The following NFIA variants were observed in gnomAD, a reference collection of about 807,000 sequenced individuals.
NFIA encodes the protein nuclear factor I A.
In NFIA, 8 loss-of-function variants were observed where a neutral mutation model predicts 62.8. The observed-to-expected ratio is 0.13, with a 90% confidence interval of 0.07 to 0.23. The LOEUF (loss-of-function observed/expected upper bound fraction) is 0.23, where lower values mean the gene tolerates loss of function less well. Among genes scored for constraint, NFIA ranks in the 10% least tolerant of loss-of-function variants. NFIA has a pLI of 1.00. For synonymous variants in NFIA, 235 were observed against 238.1 expected, an observed-to-expected ratio of 0.99 and a Z score of 0.12; for missense variants, 410 against 642.1, an observed-to-expected ratio of 0.64 and a Z score of 3.91.
chr1:61,305,804 A>G (rs951538305), intron 3 of NFIA, among the ~76,000 whole-genome samples: 7 of 151,872 alleles, frequency 4.6e-5, no homozygotes, highest in Non-Finnish European at 7.4e-5. Context: ...CTAGCTCCAA[A>G]GGATTGCTTT....
chr1:61,386,193 G>T (rs948844178), intron 7 of NFIA, among the ~76,000 whole-genome samples: 2 of 152,176 alleles, frequency 1.3e-5, no homozygotes, highest in African/African-American at 4.8e-5. Context: ...GGAGTAAGAC[G>T]TGGTGTTTTA....
At chr1:61,180,718 C>T (rs566782775) in intron 2 of NFIA, among the ~76,000 whole-genome samples, 1 of 152,264 alleles carries the variant, frequency 6.6e-6, no homozygotes, top group African/African-American at 2.4e-5. Context: ...AACAAAGATT[C>T]AGCTTCTATC....
At chr1:61,207,184 A>G (rs1000002567) in intron 2 of NFIA, among the ~76,000 whole-genome samples, 1 of 152,188 alleles carries the variant, frequency 6.6e-6, no homozygotes, top group African/African-American at 2.4e-5. Flanking sequence ...AAAATTTTGT[A>G]CAATGTACAG....
chr1:61,417,061 C>T (rs1666381099), intron 9 of NFIA, among the ~76,000 whole-genome samples: 2 of 152,076 alleles, frequency 1.3e-5, no homozygotes, highest in South Asian at 2.1e-4. Flanking sequence ...TGGATGATTC[C>T]ATTCATTTGG....
At chr1:61,318,412 C>T (rs1660487577) in intron 3 of NFIA, among the ~76,000 whole-genome samples, 1 of 152,164 alleles carries the variant, frequency 6.6e-6, no homozygotes, top group African/African-American at 2.4e-5. Flanking sequence ...GAAATTAGGT[C>T]AGCCTTCTGG....
chr1:61,325,101 TAATG>T (rs1351741509), intron 3 of NFIA, among the ~76,000 whole-genome samples: 1 of 152,228 alleles, frequency 6.6e-6, no homozygotes, highest in Non-Finnish European at 1.5e-5. Flanking sequence ...GAGACATACT[TAATG>T]AAAGCACATG....
In NFIA at chr1:61,328,031, C is replaced by T. The variant is rs569163761; in HGVS notation, c.626-4481C>T. 1.1e-4 allele frequency among the ~76,000 whole-genome samples: 16 copies of T among 151,734 alleles called. 1 individual carries two copies. ...TGATTAGTGATGTTGGGCATTTTTT[C>T]ATGTTTGTTGGCCATTTGTCTATCT... On this transcript the variant is annotated intron_variant, in intron 3 of 10. Transcript: ENST00000403491.
intron 2 of NFIA, among the ~76,000 whole-genome samples, chr1:61,226,059 CAG>C (rs1466699838): frequency 2.0e-5 from 3 of 152,080 alleles, no homozygotes; most frequent in African/African-American, 7.2e-5. Flanking sequence ...TAAAATGAAA[CAG>C]TGGACATACA....
chr1:61,435,831 C>A (rs1569872175), intron 10 of NFIA, among the ~76,000 whole-genome samples: 1 of 152,160 alleles, frequency 6.6e-6, no homozygotes, highest in Non-Finnish European at 1.5e-5. Flanking sequence ...CTGCCATATT[C>A]TTTTTTCCTA....
intron 2 of NFIA, among the ~76,000 whole-genome samples, chr1:61,128,132 G>A (rs334737): frequency 0.94 from 142,874 of 151,916 alleles, 67,288 homozygotes; most frequent in Middle Eastern, 0.97. Flanking sequence ...ATTCAATAAT[G>A]TAGACGTGGA....
upstream of NFIA, chr1:61,082,226 C>A (rs1002883693): frequency 8.8e-6 from 4 of 456,894 alleles, no homozygotes; most frequent in Non-Finnish European, 1.5e-5. Context: ...GGGGAGCGAG[C>A]GGGAGAGCGA....
chr1:61,119,261 G>A (rs1404187118), intron 2 of NFIA, among the ~76,000 whole-genome samples: 2 of 152,086 alleles, frequency 1.3e-5, no homozygotes, highest in Non-Finnish European at 2.9e-5. Context: ...CACCCCACTA[G>A]TAAACTCTCT....
At chr1:61,330,260 G>A (rs1055075678) in intron 3 of NFIA, among the ~76,000 whole-genome samples, 4 of 152,104 alleles carry the variant, frequency 2.6e-5, no homozygotes, top group Non-Finnish European at 4.4e-5. Context: ...AGAGTCATTG[G>A]CCTGTAGATT....
intron 7 of NFIA, among the ~76,000 whole-genome samples, chr1:61,393,709 GCT>G (rs1438070129): frequency 6.6e-6 from 1 of 152,114 alleles, no homozygotes; most frequent in Non-Finnish European, 1.5e-5. Flanking sequence ...AAACATTAGA[GCT>G]CTGTTTCCAG....
At chr1:61,242,794 G>T (rs1655420868) in intron 2 of NFIA, among the ~76,000 whole-genome samples, 1 of 152,106 alleles carries the variant, frequency 6.6e-6, no homozygotes, top group Non-Finnish European at 1.5e-5. Context: ...GTTAAAAAAG[G>T]CTGGTTGTCA....
At position 61,394,749 on chromosome 1, in the gene NFIA, A is replaced by G. The variant is rs115854184; in HGVS notation, c.1076-9355A>G. Among the ~76,000 whole-genome samples, 1,333 of 152,320 alleles carry G rather than the reference A, an allele frequency of 8.8e-3. 16 individuals are homozygous for G. Among genetic ancestry groups the G allele is most frequent in the African/African-American group, 0.031 (1,286 of 41,564 alleles). ...TCCTTGTGTGAAATTTACCCACAGT[A>G]GGATTACTCCTCAAATCCTATGGGG... On this transcript the variant is annotated intron_variant, in intron 7 of 10. Coordinates refer to ENST00000403491, the MANE Select transcript of NFIA (RefSeq NM_001134673.4).
chr1:61,404,364 G>A, intron 8 of NFIA, 82 bp downstream of exon 8: 1 of 1,358,168 alleles, frequency 7.4e-7, no homozygotes, highest in South Asian at 1.5e-5. Flanking sequence ...ATGATCATGT[G>A]ACGTTGTGCT....
intron 2 of NFIA, among the ~76,000 whole-genome samples, chr1:61,110,256 T>C (rs911161840): frequency 4.0e-5 from 4 of 101,056 alleles, no homozygotes; most frequent in Non-Finnish European, 9.0e-5. Flanking sequence ...ACTTGTTCAC[T>C]TTTTTTTTTT....
In NFIA at chr1:61,298,915, A is replaced by G. The variant is rs570245309; in HGVS notation, c.625+21330A>G. ...CAAAGTGACTGCGTTAACTTGGAAA[A>G]TAAGATCCTATTTATTTCCTTCCGA... On this transcript the variant is annotated intron_variant, in intron 3 of 10. Coordinates refer to ENST00000403491, the MANE Select transcript of NFIA (RefSeq NM_001134673.4). 9.2e-5 allele frequency among the ~76,000 whole-genome samples: 14 copies of G among 152,348 alleles called. No homozygotes were observed. In the South Asian group the frequency reaches 2.9e-3, roughly 32 times the overall value.
Sources: gnomAD v4.1 joint callset for allele counts (sites outside exome capture counted in the v4.1 genomes callset) on GRCh38, gnomAD v4.1.1 for gene constraint, MANE v1.5 for transcripts, NCBI Gene and HGNC (gene_info 2026-07-23, HGNC 2026-07-21) for gene names.